The following ACP4 variants were observed in gnomAD, a reference collection of about 807,000 sequenced individuals.
The protein encoded by ACP4 is acid phosphatase 4.
ACP4 carries 49 observed loss-of-function variants against 47.3 expected under a neutral mutation model. That is an observed-to-expected ratio of 1.04 (90% confidence interval 0.82 to 1.32). ACP4 has a LOEUF of 1.32. ACP4 is among the 40% of genes most tolerant of loss of function. The pLI is 0.00. For missense variants in ACP4, 594 were observed against 579.3 expected, an observed-to-expected ratio of 1.03 and a Z score of -0.26; for synonymous variants, 299 against 265.3, an observed-to-expected ratio of 1.13 and a Z score of -1.23.
At chr19:50,791,946 C>A in intron 4 of ACP4, 127 bp from the exon 5 acceptor site, 1 of 1,445,190 alleles carries the variant, frequency 6.9e-7, no homozygotes, top group African/African-American at 1.4e-5. Context: ...CCGGCCCACG[C>A]TGCTCTCCTG....
At position 50,794,795 on chromosome 19, in the gene ACP4, C is replaced by A. The variant is rs767935543; in HGVS notation, c.996C>A (p.Thr332=). 1.9e-6 allele frequency: 3 copies of A among 1,601,378 alleles called. No homozygotes were observed. Among genetic ancestry groups the A allele is most frequent in the Non-Finnish European group, 2.6e-6 (3 of 1,172,268 alleles). ...TGTCCTCTCTCTCCAGGAATGTCAC[C>A]GTCTCCCTCTTCTACCGCAATGACT... ...GNPAKDGGNV[T]VSLFYRNDSA... The change falls in exon 10 of 11, where the codon ACC becomes ACA. Residue 332 remains threonine (T), a synonymous_variant. Transcript: ENST00000270593.
At position 50,794,544 on chromosome 19, in the gene ACP4, T is replaced by C. The variant is rs759459626; in HGVS notation, c.949T>C (p.Phe317Leu). The C allele has an allele frequency of 1.2e-6, 2 of 1,613,922 alleles. No individual in the cohort carries two copies. The highest frequency in any genetic ancestry group is 1.7e-6 in the Non-Finnish European group (2 of 1,179,986). ...ATATGCTGCCTGCCTCGGCTTTGAG[T>C]TCCGGAAGCACCTGGGGAATCCCGC... ...PPYAACLGFE[F>L]RKHLGNPAKD... Residue 317 changes from phenylalanine (F) to leucine (L), a missense_variant, in exon 9 of 11, where the codon TTC becomes CTC. By Grantham distance (22) the Phe-to-Leu change is conservative (BLOSUM62 0). Coordinates refer to ENST00000270593, the MANE Select transcript of ACP4 (RefSeq NM_033068.3).
chr19:50,790,828 G>T lies in ACP4; in HGVS notation c.271G>T (p.Ala91Ser). The T allele has an allele frequency of 6.5e-7, 1 of 1,548,878 alleles. No homozygotes were observed. Residue 91 changes from alanine (A) to serine (S), a missense_variant, in exon 3 of 11, where the codon GCC becomes TCC. Physicochemically the swap from Ala to Ser is moderately conservative, Grantham distance 99. Coordinates refer to ENST00000270593, the MANE Select transcript of ACP4 (RefSeq NM_033068.3). ...LGRFLRSRYEAFLSPEYRREE... is the reference protein window; with the variant it reads ...LGRFLRSRYESFLSPEYRREE... Reference sequence around the variant, plus strand: ...CCGCTTCCTGAGGAGCCGCTACGAGGCCTTCCTGAGTCCGGAGTACCGGCG... The same window carrying T: ...CCGCTTCCTGAGGAGCCGCTACGAGTCCTTCCTGAGTCCGGAGTACCGGCG...
intron 6 of ACP4, chr19:50,793,394 A>G: frequency 2.5e-6 from 1 of 403,768 alleles, no homozygotes. Flanking sequence ...ACACACTTGT[A>G]ATCACAGCTA....
chr19:50,790,708 G>A lies in ACP4; in HGVS notation c.216+10G>A, dbSNP rs546767572. On this transcript the variant is annotated intron_variant, in intron 2 of 10. Transcript: ENST00000270593. ...GGGCCAGCTGACCACGGTGAGAAGC[G>A]GGTAGGCGGTGAGGGCAAGGGTGGG... The A allele has an allele frequency of 4.0e-5, 62 of 1,544,870 alleles. No homozygotes were observed. The highest frequency in any genetic ancestry group is 6.0e-5 in the South Asian group (5 of 83,948).
In ACP4 at chr19:50,792,337, G is replaced by C; in HGVS notation, c.645G>C (p.Gln215His). ...AGGTTCTGGACACCCTCATGTGCCA[G>C]GTGAGCCCTGCCCCTTCCCAGCCAA... Reference protein sequence around the residue: ...AWKVLDTLMCQQAHGLPLPAW... With the variant: ...AWKVLDTLMCHQAHGLPLPAW... The change falls in exon 6 of 11, where the codon CAG (glutamine) becomes CAC (histidine). Residue 215 changes from glutamine to histidine, a missense_variant and splice_region_variant. Transcript: ENST00000270593. The C allele has an allele frequency of 6.2e-7, 1 of 1,612,966 alleles. No individual in the cohort carries two copies.
chr19:50,795,146 G>A lies in ACP4; in HGVS notation c.1269G>A (p.Gly423=), dbSNP rs772566181. The stretch of plus-strand genomic sequence containing the variant: ...GACCAGGGTGCCTGCGGGCCTTGGG[G>A]GGCCCCGTGTGAGCCAGAAACCAGG... ...AWRPGCLRAL[G]GPV The change falls in exon 11 of 11, where the codon GGG becomes GGA. Residue 423 remains glycine (G), a synonymous_variant. Transcript: ENST00000270593. 6.5e-7 allele frequency: 1 copy of A among 1,546,784 alleles called. No homozygotes were observed. The highest frequency in any genetic ancestry group is 1.9e-5 in the Admixed American group (1 of 51,478).
In ACP4 at chr19:50,794,916, G is replaced by A. The variant is rs149171305; in HGVS notation, c.1117G>A (p.Ala373Thr). 24 of 1,613,382 alleles carry A rather than the reference G, an allele frequency of 1.5e-5. No homozygotes were observed. The highest frequency in any genetic ancestry group is 1.7e-4 in the Middle Eastern group (1 of 6,044). Reference sequence around the variant, plus strand: ...GCTGACTGCCCCGGCCCGGCCTCCCGCCCATGGGGTCTCCTGCCATGGCCC... The same window carrying A: ...GCTGACTGCCCCGGCCCGGCCTCCCACCCATGGGGTCTCCTGCCATGGCCC... ...YQLTAPARPP[A>T]HGVSCHGPYE... Residue 373 changes from alanine (A) to threonine (T), a missense_variant, in exon 10 of 11, where the codon GCC becomes ACC. Physicochemically the swap from Ala to Thr is moderately conservative, Grantham distance 58 (BLOSUM62 0). Coordinates refer to ENST00000270593, the MANE Select transcript of ACP4 (RefSeq NM_033068.3).
At chr19:50,794,332 AG>A in intron 8 of ACP4, 124 bp from the exon 9 acceptor site, 1 of 1,365,708 alleles carries the variant, frequency 7.3e-7, no homozygotes, top group Non-Finnish European at 9.9e-7. Flanking sequence ...TCAGGATGGG[AG>A]GAAGGAGTAG....
In ACP4 at chr19:50,791,783, T is replaced by C. The variant is rs1436091522; in HGVS notation, c.431T>C (p.Val144Ala). The change falls in exon 4 of 11, where the codon GTG becomes GCG. Residue 144 changes from valine (V) to alanine (A), a missense_variant. Physicochemically the swap from Val to Ala is moderately conservative, Grantham distance 64. Transcript: ENST00000270593. ...ARWRPIPVHT[V>A]PVAEDKLLRF... ...TGGAGGCCGATCCCGGTGCACACGG[T>C]GCCCGTGGCTGAGGATAAGGTCAGG... is the stretch of plus-strand genomic sequence containing the variant. 1.9e-6 allele frequency: 3 copies of C among 1,608,910 alleles called. No individual in the cohort carries two copies. Among genetic ancestry groups the C allele is most frequent in the Non-Finnish European group, 2.5e-6 (3 of 1,178,166 alleles).
rs114081804 is a variant in ACP4 at position 50,793,674 on chromosome 19, C to T, written c.646-10C>T. ...GCTCAGGATGGTCCATCTGTCCTGT[C>T]TCCCCACAGCAAGCCCACGGTCTTC... On this transcript the variant is annotated splice_polypyrimidine_tract_variant and intron_variant, in intron 6 of 10. Transcript: ENST00000270593. 417 of 1,612,474 alleles carry T rather than the reference C, an allele frequency of 2.6e-4. 2 individuals are homozygous for T. The African/African-American group carries it at 5.1e-3, about 20-fold the overall frequency.
intron 9 of ACP4, 56 bp downstream of exon 9, chr19:50,794,637 G>A: frequency 3.1e-6 from 5 of 1,612,926 alleles, no homozygotes; most frequent in Non-Finnish European, 3.4e-6. Context: ...CAAAGCAAGG[G>A]GTGATGTGTC....
intron 6 of ACP4, 78 bp downstream of exon 6, chr19:50,792,415 C>A: frequency 7.0e-7 from 1 of 1,430,512 alleles, no homozygotes. Flanking sequence ...TAGCTGTGTT[C>A]CCTCAGGCAT....
Position 50,790,842 on chromosome 19 carries a change from G to A in ACP4, c.285G>A (p.Pro95=), listed in dbSNP as rs185153035. Residue 95 remains proline (P), a synonymous_variant, in exon 3 of 11, where the codon CCG becomes CCA. Coordinates refer to ENST00000270593, the MANE Select transcript of ACP4 (RefSeq NM_033068.3). The stretch of plus-strand genomic sequence containing the variant: ...GCCGCTACGAGGCCTTCCTGAGTCC[G>A]GAGTACCGGCGGGAGGAGGTAGGGC... ...LRSRYEAFLS[P]EYRREEVYIR... 15 of 1,548,778 alleles carry A rather than the reference G, an allele frequency of 9.7e-6. No individual in the cohort carries two copies. Among genetic ancestry groups the A allele is most frequent in the African/African-American group, 5.5e-5 (4 of 73,072 alleles).
intron 8 of ACP4, among the ~76,000 whole-genome samples, 158 bp downstream of exon 8, chr19:50,794,128 TG>T (rs1162206690): frequency 6.6e-6 from 1 of 152,154 alleles, no homozygotes; most frequent in East Asian, 1.9e-4. Context: ...ACCATTAGTC[TG>T]GAAAGAGGGA....
In ACP4 at chr19:50,791,742, G is replaced by A. The variant is rs2089509461; in HGVS notation, c.390G>A (p.Gly130=). The part of the protein sequence containing the change: ...LAGLFPEAAP[G]SPEARWRPIP... ...GGCTGTTTCCCGAGGCTGCTCCAGG[G>A]AGCCCCGAGGCCCGCTGGAGGCCGA... Residue 130 remains glycine (G), a synonymous_variant, in exon 4 of 11, where the codon GGG becomes GGA. Coordinates refer to ENST00000270593, the MANE Select transcript of ACP4 (RefSeq NM_033068.3). 1.2e-6 allele frequency: 2 copies of A among 1,612,946 alleles called. No individual in the cohort carries two copies. The highest frequency in any genetic ancestry group is 1.7e-6 in the Non-Finnish European group (2 of 1,179,818).
rs199711613 is a variant in ACP4, at chr19:50,794,443, G to C, written c.862-14G>C. The C allele has an allele frequency of 9.7e-4, 1,559 of 1,612,906 alleles. 26 individuals are homozygous for C. In the South Asian group the frequency reaches 0.014, roughly 15 times the overall value. On this transcript the variant is annotated splice_polypyrimidine_tract_variant and intron_variant, in intron 8 of 10. Transcript: ENST00000270593. Reference sequence around the variant, plus strand: ...AGAGAGAAGTGCCGTCTCAGCCCTCGGGTCCACCTGCAGCATGACAGCACC... The same window carrying C: ...AGAGAGAAGTGCCGTCTCAGCCCTCCGGTCCACCTGCAGCATGACAGCACC...
Position 50,794,351 on chromosome 19 carries a change from G to A in ACP4, c.862-106G>A. On this transcript the variant is annotated intron_variant, in intron 8 of 10. Transcript: ENST00000270593. ...GATGGGAGGAAGGAGTAGCTTTGGG[G>A]GGTTGGTTCTAAGAAGCCTGGGGGA... 2.7e-6 allele frequency: 4 copies of A among 1,479,464 alleles called. No homozygotes were observed. In the South Asian group the frequency reaches 5.2e-5, roughly 19 times the overall value. The allele number at this position is 1,479,464 out of a possible 1,614,324, so 91.6% of individuals were successfully genotyped here.
At position 50,794,865 on chromosome 19, in the gene ACP4, C is replaced by A. The variant is rs2089543386; in HGVS notation, c.1066C>A (p.Pro356Thr). The change falls in exon 10 of 11, where the codon CCC (proline) becomes ACC (threonine). Residue 356 changes from proline to threonine, a missense_variant. By Grantham distance (38) the Pro-to-Thr change is conservative. Coordinates refer to ENST00000270593, the MANE Select transcript of ACP4 (RefSeq NM_033068.3). ...TCTCAGCCTCCCCGGGTGCCCGGCC[C>A]CCTGTCCACTAGGCCGCTTCTACCA... ...LPLSLPGCPA[P>T]CPLGRFYQLT... 1 of 1,613,670 alleles carries A rather than the reference C, an allele frequency of 6.2e-7. No homozygotes were observed. Among genetic ancestry groups the A allele is most frequent in the African/African-American group, 1.3e-5 (1 of 74,940 alleles).
Sources: gnomAD v4.1 joint callset for allele counts (sites outside exome capture counted in the v4.1 genomes callset) on GRCh38, gnomAD v4.1.1 for gene constraint, MANE v1.5 for transcripts, NCBI Gene and HGNC (gene_info 2026-07-23, HGNC 2026-07-21) for gene names.